ASTN1: variants seen among roughly 807,000 people sequenced by gnomAD.
ASTN1 encodes astrotactin 1, also known as astrotactin-1.
In ASTN1, 41 loss-of-function variants were observed where a neutral mutation model predicts 140.7. The ratio of observed to expected loss-of-function variants is 0.29; its 90% CI spans 0.23 to 0.38. The LOEUF (loss-of-function observed/expected upper bound fraction) is 0.38. Among genes scored for constraint, ASTN1 ranks in the 10% least tolerant of loss-of-function variants. The pLI is 1.00. For synonymous variants in ASTN1, 640 were observed against 652.2 expected (o/e 0.98, Z 0.29); for missense variants, 1,479 against 1,678.8 (o/e 0.88, Z 2.08).
intron 8 of ASTN1, among the ~76,000 whole-genome samples, chr1:177,014,086 G>T (rs1003338461): frequency 1.3e-5 from 2 of 151,256 alleles, no homozygotes; most frequent in Non-Finnish European, 2.9e-5. Context: ...TGAATAGTGG[G>T]ATGCTTGCAT....
intron 2 of ASTN1, among the ~76,000 whole-genome samples, chr1:177,057,297 G>A (rs1483489187): frequency 6.6e-6 from 1 of 152,160 alleles, no homozygotes; most frequent in Admixed American, 6.5e-5. Context: ...GCTGATGGTC[G>A]ATTTATACTG....
chr1:177,018,754 G>C (rs906542665), intron 7 of ASTN1, among the ~76,000 whole-genome samples: 2 of 152,176 alleles, frequency 1.3e-5, no homozygotes, highest in Admixed American at 6.5e-5. Flanking sequence ...ACTGAAACCA[G>C]GTAGTCTGTG....
intron 1 of ASTN1, among the ~76,000 whole-genome samples, chr1:177,102,759 G>A (rs1461020978): frequency 1.3e-5 from 2 of 152,156 alleles, no homozygotes; most frequent in African/African-American, 2.4e-5. Flanking sequence ...GGTCTCAAAA[G>A]GTTAGGTATC....
intron 11 of ASTN1, among the ~76,000 whole-genome samples, chr1:176,953,800 A>G (rs1157589131): frequency 6.6e-6 from 1 of 152,184 alleles, no homozygotes; most frequent in Admixed American, 6.5e-5. Flanking sequence ...AATACATGAG[A>G]AAGTGGGCAC....
At chr1:177,106,684 T>C (rs1186204822) in intron 1 of ASTN1, among the ~76,000 whole-genome samples, 1 of 152,216 alleles carries the variant, frequency 6.6e-6, no homozygotes, top group Admixed American at 6.5e-5. Context: ...TCTAAGATTA[T>C]AGACTTCTCA....
chr1:177,122,459 G>C (rs1681448486), intron 1 of ASTN1, among the ~76,000 whole-genome samples: 2 of 152,180 alleles, frequency 1.3e-5, no homozygotes, highest in Non-Finnish European at 2.9e-5. Flanking sequence ...CAGTAGAGAA[G>C]AGCCTCAACT....
intron 8 of ASTN1, among the ~76,000 whole-genome samples, chr1:177,010,012 A>T (rs186000315): frequency 1.3e-4 from 20 of 152,334 alleles, no homozygotes; most frequent in African/African-American, 4.8e-4. Flanking sequence ...TGAAAATTGT[A>T]TCTAGAGGCC....
chr1:176,970,533 G>C (rs565662688), intron 8 of ASTN1, among the ~76,000 whole-genome samples: 53 of 152,046 alleles, frequency 3.5e-4, no homozygotes, highest in Non-Finnish European at 6.5e-4. Context: ...TTGCCATCCA[G>C]GGAAAGGGAG....
At chr1:177,157,294 TTTG>T (rs140297923) in intron 1 of ASTN1, among the ~76,000 whole-genome samples, 1,592 of 151,910 alleles carry the variant, frequency 0.01, 32 homozygotes, top group East Asian at 0.089. Context: ...AACTGTTCTT[TTTG>T]TTGTTGTTGT....
At chr1:177,032,885 T>C (rs577144637) in intron 2 of ASTN1, 36 bp from the exon 3 acceptor site, 2 of 1,541,854 alleles carry the variant, frequency 1.3e-6, no homozygotes, top group African/African-American at 2.7e-5. Context: ...TGTGGGAAGA[T>C]GGGTAGGCTC....
chr1:177,006,492 A>T (rs1300615787), intron 8 of ASTN1, among the ~76,000 whole-genome samples: 1 of 152,214 alleles, frequency 6.6e-6, no homozygotes, highest in Non-Finnish European at 1.5e-5. Flanking sequence ...CTGAAACCCA[A>T]GATGAAAGTC....
chr1:177,011,475 A>T (rs190792839), intron 8 of ASTN1, among the ~76,000 whole-genome samples: 1 of 152,288 alleles, frequency 6.6e-6, no homozygotes, highest in East Asian at 1.9e-4. Context: ...TGGGGTGAAT[A>T]TCTGTTGAAA....
intron 1 of ASTN1, among the ~76,000 whole-genome samples, chr1:177,070,702 G>C (rs1241194025): frequency 2.0e-5 from 3 of 152,176 alleles, no homozygotes; most frequent in African/African-American, 7.2e-5. Flanking sequence ...TTGAGTTCCA[G>C]AATAGTCAAC....
intron 2 of ASTN1, among the ~76,000 whole-genome samples, chr1:177,035,016 A>G (rs111600941): frequency 5.3e-5 from 8 of 152,312 alleles, no homozygotes; most frequent in African/African-American, 1.9e-4. Flanking sequence ...ATGAGGTCTG[A>G]GGCATAGACT....
chr1:177,149,342 A>G lies in ASTN1; in HGVS notation c.283+15052T>C, dbSNP rs535858199. Reference sequence around the variant, plus strand: ...TAGTATATATATAGTAAATATATATATAGTATATATATAGTAAATATATAT... The same window carrying G: ...TAGTATATATATAGTAAATATATATGTAGTATATATATAGTAAATATATAT... On this transcript the variant is annotated intron_variant, in intron 1 of 22. Transcript: ENST00000361833. Among the ~76,000 whole-genome samples, 7 of 82,452 alleles carry G rather than the reference A, an allele frequency of 8.5e-5. No individual in the cohort carries two copies. The East Asian group carries it at 2.2e-3, about 26-fold the overall frequency. The allele number at this position is 82,452 out of a possible 152,430, so 54.1% of individuals were successfully genotyped here.
At chr1:176,998,709 G>A (rs910355650) in intron 8 of ASTN1, among the ~76,000 whole-genome samples, 13 of 152,158 alleles carry the variant, frequency 8.5e-5, no homozygotes, top group Admixed American at 3.3e-4. Flanking sequence ...ACATTACCCC[G>A]CATTTCAAAG....
chr1:177,163,256 G>T (rs1358686472), intron 1 of ASTN1, among the ~76,000 whole-genome samples: 1 of 152,158 alleles, frequency 6.6e-6, no homozygotes, highest in East Asian at 1.9e-4. Context: ...TGGATCTAGA[G>T]ACTGAAGTGT....
rs772698609 is a variant in ASTN1 at position 176,888,144 on chromosome 1, C to T, written c.3001G>A (p.Asp1001Asn). 2.5e-6 allele frequency: 4 copies of T among 1,614,108 alleles called. No individual in the cohort carries two copies. The highest frequency in any genetic ancestry group is 1.7e-5 in the Admixed American group (1 of 60,024). ...WCSGTGDVIE[D>N]WCRCDSTAFG... Reference sequence around the variant, plus strand: ...GCAGTGGAGTCACATCGACACCAGTCCTCGATGACATCTCCAGTCCCTGAG... The same window carrying T: ...GCAGTGGAGTCACATCGACACCAGTTCTCGATGACATCTCCAGTCCCTGAG... The change falls in exon 18 of 23, where the codon GAC becomes AAC. Residue 1001 changes from aspartate to asparagine, a missense_variant. Physicochemically the swap from Asp to Asn is conservative, Grantham distance 23. Coordinates refer to ENST00000361833, the MANE Select transcript of ASTN1 (RefSeq NM_004319.3).
rs559516348 is a variant in ASTN1 at position 177,041,185 on chromosome 1, C to T, written c.472-8336G>A. Among the ~76,000 whole-genome samples, 17 of 152,260 alleles carry T rather than the reference C, an allele frequency of 1.1e-4. No homozygotes were observed. The South Asian group carries it at 3.5e-3, about 32-fold the overall frequency. On this transcript the variant is annotated intron_variant, in intron 2 of 22. Coordinates refer to ENST00000361833, the MANE Select transcript of ASTN1 (RefSeq NM_004319.3). Reference sequence around the variant, plus strand: ...TTCCAAAGACTGACCTAGACCTCTGCAGTGTAGGAGACCAGTAAGGAATCA... The same window carrying T: ...TTCCAAAGACTGACCTAGACCTCTGTAGTGTAGGAGACCAGTAAGGAATCA...
Sources: allele counts gnomAD v4.1 joint callset (sites outside exome capture counted in the v4.1 genomes callset), GRCh38; gene constraint gnomAD v4.1.1; transcripts MANE v1.5; gene names NCBI Gene and HGNC (gene_info 2026-07-23, HGNC 2026-07-21).